The following UGGT2 variants were observed in gnomAD, a reference collection of about 807,000 sequenced individuals.
UGGT2 encodes UDP-glucose glycoprotein glucosyltransferase 2.
UGGT2 carries 180 observed loss-of-function variants against 192.1 expected under a neutral mutation model. The observed-to-expected ratio is 0.94, with a 90% confidence interval of 0.83 to 1.06. The LOEUF is 1.06. UGGT2 is among the 50% of genes least tolerant of loss of function. The pLI, the probability that UGGT2 is intolerant of heterozygous loss-of-function variation, is 0.00. For synonymous variants in UGGT2, 580 were observed against 591.0 expected, an observed-to-expected ratio of 0.98 and a Z score of 0.27; for missense variants, 1,849 against 1,795.7, an observed-to-expected ratio of 1.03 and a Z score of -0.54.
intron 4 of UGGT2, among the ~76,000 whole-genome samples, chr13:96,019,781 G>C (rs956609855): frequency 6.6e-6 from 1 of 152,164 alleles, no homozygotes; most frequent in East Asian, 1.9e-4. Context: ...TTAACCAAGG[G>C]GTCAGATTTT....
chr13:95,853,055 G>A lies in UGGT2; in HGVS notation c.4284+488C>T, dbSNP rs531853395. Among the ~76,000 whole-genome samples the A allele has an allele frequency of 4.6e-5, 7 of 152,256 alleles. No homozygotes were observed. In the South Asian group the frequency reaches 1.5e-3, roughly 32 times the overall value. ...ATCCTGTTCTCTTGACAGTGAGTGGGTTCTCATGAGATCTGATGGTTTTAA... is the reference window on the plus strand; with the variant it reads ...ATCCTGTTCTCTTGACAGTGAGTGGATTCTCATGAGATCTGATGGTTTTAA... On this transcript the variant is annotated intron_variant, in intron 36 of 38. Coordinates refer to ENST00000376747, the MANE Select transcript of UGGT2 (RefSeq NM_020121.4).
rs144104081 is a variant in UGGT2, at chr13:95,869,116, A to G, written c.3474-1693T>C. Among the ~76,000 whole-genome samples the G allele has an allele frequency of 4.1e-4, 59 of 143,796 alleles. 1 individual carries two copies. Among genetic ancestry groups the G allele is most frequent in the African/African-American group, 1.5e-3 (57 of 38,672 alleles). 94.3% of individuals were successfully genotyped at this position (143,796 alleles called of 152,430 possible). On this transcript the variant is annotated intron_variant, in intron 29 of 38. Transcript: ENST00000376747. The stretch of plus-strand genomic sequence containing the variant: ...TGTTCTCATTGTTCAATTTCCACCT[A>G]TGAGTGAGAACATGGCGGTGTTTGG...
chr13:95,917,032 C>T (rs1158801143), intron 20 of UGGT2, among the ~76,000 whole-genome samples: 1 of 152,068 alleles, frequency 6.6e-6, no homozygotes, highest in Non-Finnish European at 1.5e-5. Context: ...CATTTAAATT[C>T]AGGAAATGTG....
chr13:96,050,178 C>T (rs1175015710), intron 1 of UGGT2, among the ~76,000 whole-genome samples: 1 of 152,122 alleles, frequency 6.6e-6, no homozygotes, highest in African/African-American at 2.4e-5. Flanking sequence ...TAATACCACA[C>T]ATCTACAACC....
At chr13:95,862,976 C>T (rs149884184) in intron 31 of UGGT2, among the ~76,000 whole-genome samples, 11 of 152,254 alleles carry the variant, frequency 7.2e-5, no homozygotes, top group Admixed American at 6.5e-4. Flanking sequence ...AATCCTCCCA[C>T]CTCAGTCTTC....
chr13:95,879,632 T>A (rs1467476179), intron 27 of UGGT2, among the ~76,000 whole-genome samples: 4 of 152,278 alleles, frequency 2.6e-5, no homozygotes, highest in Admixed American at 2.6e-4. Flanking sequence ...AGACGGGGTT[T>A]CACCATGTGG....
intron 22 of UGGT2, among the ~76,000 whole-genome samples, chr13:95,897,148 C>G (rs1171771306): frequency 6.6e-6 from 1 of 152,016 alleles, no homozygotes; most frequent in African/African-American, 2.4e-5. Flanking sequence ...TGGGTTCCTT[C>G]TATGTGCTTT....
intron 4 of UGGT2, among the ~76,000 whole-genome samples, chr13:96,019,285 T>A (rs2052444121): frequency 6.6e-6 from 1 of 152,134 alleles, no homozygotes; most frequent in African/African-American, 2.4e-5. Flanking sequence ...ACATGAACAT[T>A]AGTATGTTTA....
At chr13:96,015,815 A>G (rs1490142680) in intron 4 of UGGT2, among the ~76,000 whole-genome samples, 1 of 152,248 alleles carries the variant, frequency 6.6e-6, no homozygotes, top group African/African-American at 2.4e-5. Flanking sequence ...AAGGAAGTTC[A>G]ATTAGATATT....
In UGGT2 at chr13:95,996,058, C is replaced by G. The variant is rs1010187193; in HGVS notation, c.830+5G>C. The G allele has an allele frequency of 6.2e-7, 1 of 1,611,758 alleles. No individual in the cohort carries two copies. Among genetic ancestry groups the G allele is most frequent in the African/African-American group, 1.3e-5 (1 of 74,980 alleles). The stretch of plus-strand genomic sequence containing the variant: ...AATACCAATTTCATTTCCATTCAGA[C>G]TTACTTTAGTTTCCCAAAGAGAAAT... On this transcript the variant is annotated splice_donor_5th_base_variant and intron_variant, in intron 7 of 38. Coordinates refer to ENST00000376747, the MANE Select transcript of UGGT2 (RefSeq NM_020121.4).
chr13:96,021,951 C>G (rs1398664869), intron 4 of UGGT2, among the ~76,000 whole-genome samples: 1 of 151,906 alleles, frequency 6.6e-6, no homozygotes, highest in Non-Finnish European at 1.5e-5. Context: ...GGAAGGGGAG[C>G]TTGGGGAGGA....
At chr13:95,880,098 T>C (rs1273643716) in intron 27 of UGGT2, among the ~76,000 whole-genome samples, 1 of 152,216 alleles carries the variant, frequency 6.6e-6, no homozygotes, top group East Asian at 1.9e-4. Context: ...CCTGTGTCCA[T>C]GGAACATATT....
intron 38 of UGGT2, among the ~76,000 whole-genome samples, chr13:95,813,862 T>C (rs1884689548): frequency 2.0e-5 from 3 of 152,316 alleles, no homozygotes; most frequent in South Asian, 2.1e-4. Context: ...TTCCTCATTC[T>C]GACCACTCTG....
At chr13:96,032,581 A>T (rs567723200) in intron 1 of UGGT2, among the ~76,000 whole-genome samples, 3 of 152,336 alleles carry the variant, frequency 2.0e-5, no homozygotes, top group Non-Finnish European at 4.4e-5. Context: ...GCCTTTCAGA[A>T]ATAATGAAAT....
At chr13:95,939,336 C>T (rs957044689) in intron 16 of UGGT2, among the ~76,000 whole-genome samples, 2 of 152,140 alleles carry the variant, frequency 1.3e-5, no homozygotes, top group Non-Finnish European at 2.9e-5. Context: ...TATTCCTTAT[C>T]CCCATACCCC....
chr13:95,871,701 T>A (rs963240046), intron 29 of UGGT2, among the ~76,000 whole-genome samples: 1 of 152,124 alleles, frequency 6.6e-6, no homozygotes, highest in Admixed American at 6.5e-5. Context: ...TTTCCACAGA[T>A]CAGATGCAGC....
intron 30 of UGGT2, among the ~76,000 whole-genome samples, chr13:95,864,486 T>C (rs1890463063): frequency 6.6e-6 from 1 of 152,204 alleles, no homozygotes; most frequent in Admixed American, 6.5e-5. Context: ...AGCATAGTTA[T>C]AGTTTCCTCC....
intron 4 of UGGT2, among the ~76,000 whole-genome samples, chr13:96,017,047 G>C (rs1460386408): frequency 6.6e-6 from 1 of 152,196 alleles, no homozygotes; most frequent in Non-Finnish European, 1.5e-5. Context: ...CATGGGGCCT[G>C]TTACTCTTTT....
chr13:95,960,033 C>T (rs1420474329), intron 12 of UGGT2, among the ~76,000 whole-genome samples: 1 of 152,164 alleles, frequency 6.6e-6, no homozygotes, highest in East Asian at 1.9e-4. Context: ...ACAGAGATTA[C>T]CCTACTGCAC....
Sources: allele counts gnomAD v4.1 joint callset (sites outside exome capture counted in the v4.1 genomes callset), GRCh38; gene constraint gnomAD v4.1.1; transcripts MANE v1.5; gene names NCBI Gene and HGNC (gene_info 2026-07-23, HGNC 2026-07-21).